DAB1: variants seen among roughly 807,000 people sequenced by gnomAD.
The protein encoded by DAB1 is disabled homolog 1.
Under a neutral mutation model 64.6 loss-of-function variants are expected in DAB1, and 15 were observed. The ratio of observed to expected loss-of-function variants is 0.23; its 90% CI spans 0.16 to 0.36. The LOEUF is 0.36. Among genes scored for constraint, DAB1 ranks in the 10% least tolerant of loss-of-function variants. DAB1 has a pLI of 1.00. For synonymous variants in DAB1, 235 were observed against 251.9 expected (o/e 0.93, Z 0.64); for missense variants, 596 against 706.7 (o/e 0.84, Z 1.78).
chr1:57,172,759 T>A (rs559550784), intron 2 of DAB1, among the ~76,000 whole-genome samples: 1 of 152,188 alleles, frequency 6.6e-6, no homozygotes, highest in African/African-American at 2.4e-5. Context: ...AAGGACAGTA[T>A]GAAGCCATTC....
chr1:57,495,976 G>T (rs12142896), intron 7 of DAB1, among the ~76,000 whole-genome samples: 2 of 152,166 alleles, frequency 1.3e-5, no homozygotes, highest in Admixed American at 6.5e-5. Flanking sequence ...ATTTGGGTAA[G>T]ACCTGACACA....
chr1:57,707,460 A>C (rs1418467075), intron 6 of DAB1, among the ~76,000 whole-genome samples: 1 of 150,938 alleles, frequency 6.6e-6, no homozygotes, highest in East Asian at 2.0e-4. Context: ...GTTTTGGGCT[A>C]TTAAAGTAAG....
At position 57,780,062 on chromosome 1, in the gene DAB1, T is replaced by C. The variant is rs575577346; in HGVS notation, n.551+103937A>G. Among the ~76,000 whole-genome samples, 6 of 152,284 alleles carry C rather than the reference T, an allele frequency of 3.9e-5. No homozygotes were observed. The East Asian group carries it at 1.2e-3, about 29-fold the overall frequency. The stretch of plus-strand genomic sequence containing the variant: ...TGGATTTTGGGCTCAGCTAGATTAT[T>C]CTCTGGAGGTCATAATGGGATTTCA... On this transcript the variant is annotated intron_variant and non_coding_transcript_variant, in intron 6 of 20. Coordinates refer to the DAB1 transcript ENST00000485760.
chr1:58,040,256 A>G (rs931828990), intron 5 of DAB1, among the ~76,000 whole-genome samples: 7 of 152,232 alleles, frequency 4.6e-5, no homozygotes, highest in African/African-American at 1.4e-4. Context: ...TAAGGAAGAA[A>G]AAAAATCTAA....
At chr1:57,635,497 G>A (rs1418086509) in intron 7 of DAB1, among the ~76,000 whole-genome samples, 1 of 152,046 alleles carries the variant, frequency 6.6e-6, no homozygotes, top group African/African-American at 2.4e-5. Flanking sequence ...AGCATGCCAG[G>A]GATCTAGGTT....
intron 5 of DAB1, among the ~76,000 whole-genome samples, chr1:58,023,091 C>T (rs558505522): frequency 6.6e-6 from 1 of 152,302 alleles, no homozygotes; most frequent in South Asian, 2.1e-4. Context: ...TGCCCTTACA[C>T]ATGTTGTACC....
intron 2 of DAB1, among the ~76,000 whole-genome samples, chr1:57,173,321 A>G (rs777553798): frequency 1.3e-5 from 2 of 152,216 alleles, no homozygotes; most frequent in Non-Finnish European, 2.9e-5. Flanking sequence ...CCAACATGAC[A>G]TCACAAGTGG....
intron 2 of DAB1, among the ~76,000 whole-genome samples, chr1:58,517,310 C>T (rs1483560660): frequency 1.3e-5 from 2 of 152,180 alleles, no homozygotes; most frequent in Non-Finnish European, 2.9e-5. Flanking sequence ...TTATCTGTTG[C>T]CATTGGTGCT....
chr1:57,522,503 A>G (rs1400543799), intron 7 of DAB1, among the ~76,000 whole-genome samples: 1 of 152,178 alleles, frequency 6.6e-6, no homozygotes, highest in African/African-American at 2.4e-5. Context: ...AGACTGGGTA[A>G]TTTATAAAGA....
intron 4 of DAB1, among the ~76,000 whole-genome samples, chr1:57,126,952 C>T (rs1304164125): frequency 6.6e-6 from 1 of 152,176 alleles, no homozygotes; most frequent in East Asian, 1.9e-4. Flanking sequence ...CACCACGTTC[C>T]TTTACTGTAA....
intron 4 of DAB1, among the ~76,000 whole-genome samples, chr1:57,117,657 G>C (rs1394775487): frequency 6.6e-6 from 1 of 152,158 alleles, no homozygotes; most frequent in Non-Finnish European, 1.5e-5. Flanking sequence ...GAGTTCCAGG[G>C]CATTTGTAAA....
intron 4 of DAB1, among the ~76,000 whole-genome samples, chr1:58,179,812 T>C (rs898742055): frequency 2.6e-5 from 4 of 152,096 alleles, no homozygotes; most frequent in African/African-American, 9.6e-5. Flanking sequence ...TTTTTTGTTT[T>C]TCTGTTTCCT....
intron 7 of DAB1, among the ~76,000 whole-genome samples, chr1:57,474,982 G>A (rs144318650): frequency 5.3e-5 from 8 of 152,270 alleles, no homozygotes; most frequent in African/African-American, 1.9e-4. Context: ...TGGCCTGGCT[G>A]GGCAGGGTGG....
At chr1:58,163,299 A>G (rs1197907828) in intron 4 of DAB1, among the ~76,000 whole-genome samples, 2 of 152,206 alleles carry the variant, frequency 1.3e-5, no homozygotes, top group African/African-American at 4.8e-5. Flanking sequence ...CGGTTCTCAG[A>G]GCAAGCAATG....
chr1:58,211,263 C>A (rs79259618), intron 4 of DAB1, among the ~76,000 whole-genome samples: 1,656 of 152,210 alleles, frequency 0.011, 31 homozygotes, highest in African/African-American at 0.038. Flanking sequence ...ATAGAATCTC[C>A]CTTTGTTCTA....
At chr1:57,857,860 A>C (rs1168037860) in intron 1 of DAB1, among the ~76,000 whole-genome samples, 1 of 151,380 alleles carries the variant, frequency 6.6e-6, no homozygotes, top group Non-Finnish European at 1.5e-5. Flanking sequence ...ATACAAAAAA[A>C]AAAAAAGAAA....
upstream of DAB1, among the ~76,000 whole-genome samples, chr1:57,427,114 C>A (rs1284522409): frequency 1.3e-5 from 2 of 152,114 alleles, no homozygotes; most frequent in African/African-American, 2.4e-5. Flanking sequence ...CCACCCGCCT[C>A]GGCCTCCCAA....
chr1:58,209,463 C>T (rs1430273798), intron 4 of DAB1, among the ~76,000 whole-genome samples: 2 of 152,058 alleles, frequency 1.3e-5, no homozygotes, highest in Admixed American at 6.6e-5. Context: ...ATGAAAACTA[C>T]CTTATAAAAA....
chr1:57,871,228 C>T (rs1569888970), intron 1 of DAB1, among the ~76,000 whole-genome samples: 1 of 152,126 alleles, frequency 6.6e-6, no homozygotes, highest in East Asian at 1.9e-4. Flanking sequence ...GGAATTATGT[C>T]TAACATCTGA....
Sources: allele counts gnomAD v4.1 joint callset (sites outside exome capture counted in the v4.1 genomes callset), GRCh38; gene constraint gnomAD v4.1.1; transcripts MANE v1.5; gene names NCBI Gene and HGNC (gene_info 2026-07-23, HGNC 2026-07-21).